The following SMARCAD1 variants were observed in gnomAD, a reference collection of about 807,000 sequenced individuals.
SMARCAD1 encodes the protein SWI/SNF-related matrix-associated actin-dependent regulator of chromatin subfamily A containing DEAD/H box 1.
A neutral mutation model predicts 127.1 loss-of-function variants in SMARCAD1; 25 were observed. The observed-to-expected ratio is 0.20, with a 90% CI of 0.14 to 0.27. The LOEUF (loss-of-function observed/expected upper bound fraction) is 0.27, where lower values mean the gene tolerates loss of function less well. Among genes scored for constraint, SMARCAD1 ranks in the 10% least tolerant of loss-of-function variants. The pLI, the probability that SMARCAD1 is intolerant of heterozygous loss-of-function variation, is 1.00. For synonymous variants in SMARCAD1, 400 were observed against 396.9 expected, an observed-to-expected ratio of 1.01 and a Z score of -0.09; for missense variants, 807 against 1,206.0, an observed-to-expected ratio of 0.67 and a Z score of 4.90.
At chr4:94,224,299 T>C (rs985054328) in intron 2 of SMARCAD1, among the ~76,000 whole-genome samples, 2 of 152,234 alleles carry the variant, frequency 1.3e-5, no homozygotes, top group African/African-American at 4.8e-5. Context: ...TGGTGCTCTC[T>C]AGAGCAAATA....
In SMARCAD1 at chr4:94,253,769, T is replaced by C. The variant is rs1018104102; in HGVS notation, c.1281+762T>C. The C allele has an allele frequency of 1.2e-5, 10 of 802,976 alleles. 1 individual carries two copies. The South Asian group carries it at 2.2e-4, about 18-fold the overall frequency. 49.7% of individuals were successfully genotyped at this position (802,976 alleles called of 1,614,324 possible). ...TTTTGAGTTTTATGAATGCCAACAG[T>C]CATCAAATCTTATTCATACAGATAA... On this transcript the variant is annotated intron_variant, in intron 9 of 23. Transcript: ENST00000354268.
intron 19 of SMARCAD1, 84 bp downstream of exon 19, chr4:94,279,134 T>C: frequency 6.4e-7 from 1 of 1,558,938 alleles, no homozygotes. Flanking sequence ...CCAATGGGCA[T>C]ACTAAACCTT....
chr4:94,214,926 CAGAA>C (rs1421776834), intron 2 of SMARCAD1, among the ~76,000 whole-genome samples: 6 of 152,036 alleles, frequency 3.9e-5, no homozygotes, highest in South Asian at 2.1e-4. Context: ...TACCAGTCGT[CAGAA>C]AGATTTCCTG....
intron 2 of SMARCAD1, among the ~76,000 whole-genome samples, chr4:94,214,623 G>C (rs1033633621): frequency 2.0e-5 from 3 of 152,058 alleles, no homozygotes; most frequent in Non-Finnish European, 4.4e-5. Flanking sequence ...GAGGGAGGGA[G>C]GTATCTGAAG....
intron 9 of SMARCAD1, among the ~76,000 whole-genome samples, chr4:94,257,524 A>G (rs1203961797): frequency 1.3e-5 from 2 of 152,176 alleles, no homozygotes; most frequent in Non-Finnish European, 2.9e-5. Flanking sequence ...AGAAAACAGT[A>G]ACATGGTGGC....
chr4:94,228,126 CT>C (rs1313324328), intron 3 of SMARCAD1, among the ~76,000 whole-genome samples: 2 of 152,112 alleles, frequency 1.3e-5, no homozygotes. Flanking sequence ...TTAAAATGAA[CT>C]TTTCACATGA....
chr4:94,226,387 CCTTTTTTTTTTTTT>C (rs1744994250), intron 3 of SMARCAD1, 91 bp downstream of exon 3: 13 of 978,324 alleles, frequency 1.3e-5, no homozygotes, highest in South Asian at 9.5e-5. Context: ...TGGTGACTTC[CCTTTTTTTTTTTTT>C]CTTTTTTTTT....
intron 8 of SMARCAD1, 21 bp from the exon 9 acceptor site, chr4:94,252,595 G>A: frequency 6.8e-7 from 1 of 1,473,336 alleles, no homozygotes; most frequent in Non-Finnish European, 9.1e-7. Flanking sequence ...TTTAGTTACT[G>A]TTTTTGTCTT....
In SMARCAD1 at chr4:94,207,978, C is replaced by T; in HGVS notation, c.-142C>T. 1 of 368,720 alleles carries T rather than the reference C, an allele frequency of 2.7e-6. No individual in the cohort carries two copies. The highest frequency in any genetic ancestry group is 2.1e-5 in the South Asian group (1 of 48,766). The allele number at this position is 368,720 out of a possible 1,614,324, so 22.8% of individuals were successfully genotyped here. A position where few individuals can be genotyped will look rare whatever the true frequency, so the allele number is the denominator to read the frequency against. ...GGCCCTGGCAGGTCCTTTCTCGAGG[C>T]AGGGGGCACGGTAGCACAGGGAGCT... On this transcript the variant is annotated 5_prime_UTR_variant, in exon 1 of 24. Transcript: ENST00000354268.
chr4:94,246,429 A>G (rs1560535854), intron 6 of SMARCAD1, among the ~76,000 whole-genome samples: 4 of 152,058 alleles, frequency 2.6e-5, no homozygotes, highest in South Asian at 2.1e-4. Flanking sequence ...ATAACTGACA[A>G]TCTTAAGAGG....
chr4:94,283,845 A>G (rs1462101617), intron 22 of SMARCAD1, among the ~76,000 whole-genome samples: 1 of 151,926 alleles, frequency 6.6e-6, no homozygotes, highest in Non-Finnish European at 1.5e-5. Context: ...AAACAAAAAA[A>G]TTGTCTACCC....
chr4:94,278,287 A>G (rs1162480503), intron 16 of SMARCAD1, 135 bp from the exon 17 acceptor site: 1 of 769,588 alleles, frequency 1.3e-6, no homozygotes, highest in Non-Finnish European at 2.2e-6. Context: ...GTGAAGTGCC[A>G]TCTAGAATGA....
intron 11 of SMARCAD1, among the ~76,000 whole-genome samples, chr4:94,271,688 T>C (rs969238291): frequency 2.6e-5 from 4 of 152,212 alleles, no homozygotes; most frequent in Non-Finnish European, 5.9e-5. Context: ...TTCAAAATAC[T>C]TACAGAAATT....
In SMARCAD1 at chr4:94,290,460, T is replaced by G. The variant is rs1159257671; in HGVS notation, c.*926T>G. On this transcript the variant is annotated 3_prime_UTR_variant, in exon 24 of 24. Coordinates refer to ENST00000354268, the MANE Select transcript of SMARCAD1 (RefSeq NM_020159.5). The stretch of plus-strand genomic sequence containing the variant: ...AACAGATTACTTAAAGCTATTTCAT[T>G]TCAAAGCAGACTGAATGTGACTTCA... 2.2e-6 allele frequency: 1 copy of G among 454,388 alleles called. No homozygotes were observed. The highest frequency in any genetic ancestry group is 2.0e-5 in the African/African-American group (1 of 49,996). 28.1% of individuals were successfully genotyped at this position (454,388 alleles called of 1,614,324 possible). A position where few individuals can be genotyped will look rare whatever the true frequency, so the allele number is the denominator to read the frequency against.
intron 2 of SMARCAD1, among the ~76,000 whole-genome samples, chr4:94,221,276 T>G (rs1343234830): frequency 1.3e-5 from 2 of 152,218 alleles, no homozygotes; most frequent in Non-Finnish European, 2.9e-5. Context: ...TGTGTATTAC[T>G]CAGTGAACTA....
intron 9 of SMARCAD1, among the ~76,000 whole-genome samples, chr4:94,262,014 T>A (rs1751065359): frequency 6.6e-6 from 1 of 152,218 alleles, no homozygotes; most frequent in Non-Finnish European, 1.5e-5. Context: ...TGCTCTGTCT[T>A]TTTAAATGCT....
At chr4:94,282,103 T>TG (rs1553921644) in intron 21 of SMARCAD1, among the ~76,000 whole-genome samples, 481 of 45,746 alleles carry the variant, frequency 0.011, 6 homozygotes, top group African/African-American at 0.033. Context: ...TTTTTTTGTT[T>TG]TTTTTTTTTT....
rs755933863 is a variant in SMARCAD1 at position 94,237,064 on chromosome 4, A to G, written c.604+46A>G. On this transcript the variant is annotated intron_variant, in intron 5 of 23. Coordinates refer to ENST00000354268, the MANE Select transcript of SMARCAD1 (RefSeq NM_020159.5). ...AGCCATGTCGATTTATTGTTACGTC[A>G]TAATAATAGTACCTTCTCATTAATA... The G allele has an allele frequency of 6.4e-6, 9 of 1,395,456 alleles. No homozygotes were observed. In the South Asian group the frequency reaches 6.9e-5, roughly 11 times the overall value. The allele number at this position is 1,395,456 out of a possible 1,614,324, so 86.4% of individuals were successfully genotyped here.
At chr4:94,264,297 G>T (rs1429336841) in intron 9 of SMARCAD1, among the ~76,000 whole-genome samples, 2 of 151,862 alleles carry the variant, frequency 1.3e-5, no homozygotes, top group Non-Finnish European at 2.9e-5. Context: ...GATCAGATTT[G>T]CAGTGACTAC....
Sources: allele counts gnomAD v4.1 joint callset (sites outside exome capture counted in the v4.1 genomes callset), GRCh38; gene constraint gnomAD v4.1.1; transcripts MANE v1.5; gene names NCBI Gene and HGNC (gene_info 2026-07-23, HGNC 2026-07-21).